PALS2: variants seen among roughly 807,000 people sequenced by gnomAD.
PALS2 encodes the protein protein associated with LIN7 2, MAGUK p55 family member.
PALS2 carries 27 observed loss-of-function variants against 61.6 expected under a neutral mutation model. That is an observed-to-expected ratio of 0.44 (90% CI 0.32 to 0.60). The LOEUF is 0.60. Among genes scored for constraint, PALS2 ranks in the 20% least tolerant of loss-of-function variants. PALS2 has a pLI of 0.05. For missense variants in PALS2, 554 were observed against 639.4 expected (o/e 0.87, Z 1.44); for synonymous variants, 236 against 218.6 (o/e 1.08, Z -0.70).
chr7:24,589,785 G>A (rs1783212583), intron 1 of PALS2, among the ~76,000 whole-genome samples: 1 of 152,174 alleles, frequency 6.6e-6, no homozygotes, highest in Non-Finnish European at 1.5e-5. Flanking sequence ...TACCATGAAA[G>A]TTAAAGGTTT....
intron 1 of PALS2, among the ~76,000 whole-genome samples, chr7:24,608,158 C>T (rs1243826518): frequency 6.6e-6 from 1 of 152,048 alleles, no homozygotes; most frequent in Non-Finnish European, 1.5e-5. Context: ...ACTTTGGAGT[C>T]TACTCCATTA....
At chr7:24,676,152 G>C (rs1583996248) in intron 9 of PALS2, among the ~76,000 whole-genome samples, 4 of 151,994 alleles carry the variant, frequency 2.6e-5, no homozygotes, top group Non-Finnish European at 5.9e-5. Flanking sequence ...GTGATGGTGA[G>C]CATTTTTTCA....
Position 24,680,617 on chromosome 7 carries a change from G to T in PALS2, c.1446+97G>T, listed in dbSNP as rs1787872853. 3.6e-6 allele frequency: 5 copies of T among 1,392,206 alleles called. No homozygotes were observed. The South Asian group carries it at 6.1e-5, about 17-fold the overall frequency. 86.2% of individuals were successfully genotyped at this position (1,392,206 alleles called of 1,614,324 possible). On this transcript the variant is annotated intron_variant, in intron 11 of 11. Coordinates refer to ENST00000222644, the MANE Select transcript of PALS2 (RefSeq NM_001303037.2). ...TTATTTTTATTTATTTATTTTTGAGGCAGAGTTTTGCTTTGTCACCCAGGC... is the reference window on the plus strand; with the variant it reads ...TTATTTTTATTTATTTATTTTTGAGTCAGAGTTTTGCTTTGTCACCCAGGC...
chr7:24,668,683 G>T (rs375190756), intron 9 of PALS2, 23 bp downstream of exon 9: 21 of 1,611,696 alleles, frequency 1.3e-5, no homozygotes, highest in Non-Finnish European at 1.7e-5. Flanking sequence ...TGTTTTCCTT[G>T]CTATGCAATT....
At chr7:24,647,883 A>G (rs890895518) in intron 3 of PALS2, among the ~76,000 whole-genome samples, 2 of 152,174 alleles carry the variant, frequency 1.3e-5, no homozygotes, top group Non-Finnish European at 2.9e-5. Context: ...GCAAATTTTT[A>G]CTATAAAAAT....
chr7:24,658,288 G>T (rs960171669), intron 5 of PALS2, among the ~76,000 whole-genome samples: 11 of 152,076 alleles, frequency 7.2e-5, no homozygotes, highest in African/African-American at 2.4e-4. Flanking sequence ...TTTTATATCT[G>T]CATGTGTTTA....
intron 2 of PALS2, among the ~76,000 whole-genome samples, chr7:24,635,586 A>G (rs1273727280): frequency 1.3e-5 from 2 of 152,190 alleles, no homozygotes; most frequent in Non-Finnish European, 2.9e-5. Flanking sequence ...CAAATGTTAA[A>G]TAGAAGTGAT....
Position 24,573,553 on chromosome 7 carries a change from C to T in PALS2, c.-43C>T, listed in dbSNP as rs1382131783. 2 of 383,778 alleles carry T rather than the reference C, an allele frequency of 5.2e-6. No homozygotes were observed. Among genetic ancestry groups the T allele is most frequent in the African/African-American group, 2.1e-5 (1 of 47,172 alleles). The allele number at this position is 383,778 out of a possible 1,614,324, so 23.8% of individuals were successfully genotyped here. A position where few individuals can be genotyped will look rare whatever the true frequency, so the allele number is the denominator to read the frequency against. On this transcript the variant is annotated 5_prime_UTR_variant, in exon 1 of 12. Transcript: ENST00000222644. The surrounding 1 kb of genome is among the most constrained non-coding windows in gnomAD (Gnocchi z 5.3). ...AGCGGCGGCGGGGAGCGACCGGGAGCGGCGGCAGCGGCGGCGCGGAGGCGG... is the reference window on the plus strand; with the variant it reads ...AGCGGCGGCGGGGAGCGACCGGGAGTGGCGGCAGCGGCGGCGCGGAGGCGG...
chr7:24,662,312 T>C lies in PALS2; in HGVS notation c.652-1278T>C, dbSNP rs182096277. ...TATGTCTACTTGTGTTATTTGAATT[T>C]TGTTGGTTACAGAAGTATGATAAAC... On this transcript the variant is annotated intron_variant, in intron 5 of 11. Coordinates refer to ENST00000222644, the MANE Select transcript of PALS2 (RefSeq NM_001303037.2). Among the ~76,000 whole-genome samples, 755 of 152,334 alleles carry C rather than the reference T, an allele frequency of 5.0e-3. 5 individuals carry two copies. Among genetic ancestry groups the C allele is most frequent in the Middle Eastern group, 0.017 (5 of 294 alleles).
chr7:24,583,665 T>A (rs1157127901), intron 1 of PALS2, among the ~76,000 whole-genome samples: 12 of 151,322 alleles, frequency 7.9e-5, no homozygotes, highest in Non-Finnish European at 1.8e-4. Flanking sequence ...TTATTTAATT[T>A]TTTTTTTTAT....
chr7:24,638,703 CAG>C (rs1785368230), intron 2 of PALS2, among the ~76,000 whole-genome samples: 1 of 152,134 alleles, frequency 6.6e-6, no homozygotes, highest in African/African-American at 2.4e-5. Flanking sequence ...AAAAAATCTT[CAG>C]ATGTGCTTGG....
chr7:24,610,456 C>A (rs1784074695), intron 1 of PALS2, among the ~76,000 whole-genome samples: 1 of 152,106 alleles, frequency 6.6e-6, no homozygotes, highest in East Asian at 1.9e-4. Flanking sequence ...ACGTGCATAG[C>A]GTCTAGCTGT....
At chr7:24,577,972 T>C (rs890085956) in intron 1 of PALS2, among the ~76,000 whole-genome samples, 2 of 152,166 alleles carry the variant, frequency 1.3e-5, no homozygotes, top group African/African-American at 4.8e-5. Flanking sequence ...AGAATCTCAC[T>C]CGGTCACCCC....
At chr7:24,608,685 T>A (rs1041537641) in intron 1 of PALS2, among the ~76,000 whole-genome samples, 1 of 152,214 alleles carries the variant, frequency 6.6e-6, no homozygotes, top group Admixed American at 6.5e-5. Context: ...CACTATAACC[T>A]TGAACTCTTT....
At chr7:24,670,469 G>T (rs948376269) in intron 9 of PALS2, among the ~76,000 whole-genome samples, 5 of 152,076 alleles carry the variant, frequency 3.3e-5, no homozygotes, top group African/African-American at 4.8e-5. Flanking sequence ...CTGGGTTGAA[G>T]CTGTTGTTCC....
rs533200405 is a variant in PALS2, at chr7:24,613,809, T to G, written c.-2-9857T>G. Among the ~76,000 whole-genome samples the G allele has an allele frequency of 5.9e-5, 9 of 152,054 alleles. No individual in the cohort carries two copies. In the South Asian group the frequency reaches 1.9e-3, roughly 32 times the overall value. ...TTTCTACTTCTGTAAGATCAACTTT[T>G]TTAGCTTCCATGTAAGAGTGAGAAC... is the stretch of plus-strand genomic sequence containing the variant. On this transcript the variant is annotated intron_variant, in intron 1 of 11. Coordinates refer to ENST00000222644, the MANE Select transcript of PALS2 (RefSeq NM_001303037.2).
chr7:24,582,516 C>T (rs1172395016), intron 1 of PALS2, among the ~76,000 whole-genome samples: 3 of 151,796 alleles, frequency 2.0e-5, no homozygotes, highest in Non-Finnish European at 4.4e-5. Flanking sequence ...TTAGTGCTTG[C>T]GTTACTTTTC....
chr7:24,680,768 G>A (rs556968778), intron 11 of PALS2, among the ~76,000 whole-genome samples: 2 of 152,178 alleles, frequency 1.3e-5, no homozygotes, highest in South Asian at 4.2e-4. Flanking sequence ...GCTAATTTTT[G>A]TATTTTTAGT....
chr7:24,659,474 C>T (rs114721542), intron 5 of PALS2, among the ~76,000 whole-genome samples: 2,451 of 152,262 alleles, frequency 0.016, 79 homozygotes, highest in African/African-American at 0.057. Context: ...TAGCGGTTCC[C>T]TTTTCTCTGC....
Sources: allele counts gnomAD v4.1 joint callset (sites outside exome capture counted in the v4.1 genomes callset), GRCh38; gene constraint gnomAD v4.1.1; non-coding constraint Gnocchi (gnomAD v3.1); transcripts MANE v1.5; gene names NCBI Gene and HGNC (gene_info 2026-07-23, HGNC 2026-07-21).